Variants in TTL observed in about 807,000 individuals in gnomAD.
The protein encoded by TTL is tubulin tyrosine ligase.
TTL carries 10 observed loss-of-function variants against 41.1 expected under a neutral mutation model. That is an observed-to-expected ratio of 0.24 (90% CI 0.15 to 0.41). The LOEUF (loss-of-function observed/expected upper bound fraction) is 0.41, where lower values mean the gene tolerates loss of function less well. Ranked by LOEUF, TTL falls within the 10% of genes least tolerant of loss-of-function variation. The pLI, the probability that TTL is intolerant of heterozygous loss-of-function variation, is 1.00. For synonymous variants in TTL, 175 were observed against 175.5 expected (o/e 1.00, Z 0.02); for missense variants, 367 against 460.4 (o/e 0.80, Z 1.86).
intron 6 of TTL, chr2:112,522,447 C>T (rs1303527693): frequency 6.6e-6 from 1 of 152,578 alleles, no homozygotes; most frequent in Non-Finnish European, 1.5e-5. Flanking sequence ...GAGCTGCTCT[C>T]CTGTCATGGC....
intron 5 of TTL, among the ~76,000 whole-genome samples, chr2:112,511,689 T>C (rs2104465416): frequency 1.3e-5 from 2 of 151,840 alleles, no homozygotes; most frequent in Admixed American, 1.3e-4. Flanking sequence ...CTCAGCCTCC[T>C]GAGCAGCTGG....
At chr2:112,492,937 G>A (rs1410821018) in intron 2 of TTL, among the ~76,000 whole-genome samples, 1 of 152,216 alleles carries the variant, frequency 6.6e-6, no homozygotes, top group African/African-American at 2.4e-5. Context: ...TTTAAATTCA[G>A]TTCCTGAGTC....
chr2:112,519,444 A>G (rs554044617), intron 5 of TTL, among the ~76,000 whole-genome samples: 1 of 152,202 alleles, frequency 6.6e-6, no homozygotes, highest in South Asian at 2.1e-4. Context: ...TGCTAATAAT[A>G]CTTCTACATT....
chr2:112,492,705 G>A (rs768727556), intron 2 of TTL, among the ~76,000 whole-genome samples: 164 of 151,586 alleles, frequency 1.1e-3, no homozygotes, highest in Non-Finnish European at 8.8e-4. Flanking sequence ...ACTTCAGCCT[G>A]GGCGACAGAG....
Position 112,531,572 on chromosome 2 carries a change from G to A in TTL, c.*2777G>A, listed in dbSNP as rs901966506. 5 of 229,106 alleles carry A rather than the reference G, an allele frequency of 2.2e-5. No homozygotes were observed. The East Asian group carries it at 2.5e-4, about 11-fold the overall frequency. The allele number at this position is 229,106 out of a possible 1,614,324, so 14.2% of individuals were successfully genotyped here. A position where few individuals can be genotyped will look rare whatever the true frequency, so the allele number is the denominator to read the frequency against. On this transcript the variant is annotated 3_prime_UTR_variant, in exon 7 of 7. Coordinates refer to ENST00000233336, the MANE Select transcript of TTL (RefSeq NM_153712.5). ...GTGCCCACTCTTCCCCTGTACCCCC[G>A]GACAGTTAAATCAGAACCTCAGACA...
intron 2 of TTL, among the ~76,000 whole-genome samples, chr2:112,492,756 T>C (rs1681422767): frequency 6.6e-6 from 1 of 150,596 alleles, no homozygotes. Flanking sequence ...CTGGGTGTGG[T>C]CACGGGCGTC....
At chr2:112,524,309 C>A (rs1454990224) in intron 6 of TTL, among the ~76,000 whole-genome samples, 1 of 152,164 alleles carries the variant, frequency 6.6e-6, no homozygotes, top group East Asian at 1.9e-4. Flanking sequence ...GGTATATACC[C>A]AGTAATGGGA....
At chr2:112,519,922 G>A (rs1682174430) in intron 5 of TTL, among the ~76,000 whole-genome samples, 1 of 151,906 alleles carries the variant, frequency 6.6e-6, no homozygotes, top group Admixed American at 6.6e-5. Context: ...CCTGAGGTCG[G>A]GAGTTCGAGA....
chr2:112,496,632 AATTTT>A (rs911542041), intron 3 of TTL, among the ~76,000 whole-genome samples: 6 of 111,450 alleles, frequency 5.4e-5, no homozygotes, highest in African/African-American at 2.1e-4. Flanking sequence ...TTTCTTTTTT[AATTTT>A]AATTTTTTAT....
intron 4 of TTL, 74 bp downstream of exon 4, chr2:112,501,415 G>A: frequency 7.4e-7 from 1 of 1,350,722 alleles, no homozygotes. Flanking sequence ...TGGGAAGGGG[G>A]ACATGGAATA....
chr2:112,496,665 CTGTGTGTGTGTGTGTGTGTGTGTG>C (rs10635241), intron 3 of TTL, among the ~76,000 whole-genome samples: 1 of 106,052 alleles, frequency 9.4e-6, no homozygotes, highest in South Asian at 3.2e-4. Flanking sequence ...ATATATGTGT[CTGTGTGTGTGTGTGTGTGTGTGTG>C]TGTGTGTGTG....
Position 112,482,232 on chromosome 2 carries a change from C to T in TTL, c.-113C>T, listed in dbSNP as rs1437472863. The stretch of plus-strand genomic sequence containing the variant: ...CGAGAGGCGCGGTAGCCGGCGCGGG[C>T]GGCGGGGGCCGGGCCGCGGCGGGCG... On this transcript the variant is annotated 5_prime_UTR_variant, in exon 1 of 7. Coordinates refer to ENST00000233336, the MANE Select transcript of TTL (RefSeq NM_153712.5). This position sits in a 1 kb window ranked among gnomAD's most constrained non-coding sequence, Gnocchi z 5.3. The T allele has an allele frequency of 7.6e-6, 6 of 784,702 alleles. No homozygotes were observed. Among genetic ancestry groups the T allele is most frequent in the Admixed American group, 1.3e-4 (2 of 15,410 alleles). The allele number at this position is 784,702 out of a possible 1,614,324, so 48.6% of individuals were successfully genotyped here.
Position 112,501,271 on chromosome 2 carries a change from G to A in TTL, c.535G>A (p.Val179Met). 1.2e-6 allele frequency: 2 copies of A among 1,613,772 alleles called. No individual in the cohort carries two copies. The highest frequency in any genetic ancestry group is 4.5e-5 in the East Asian group (2 of 44,848). ...LLDFIDNQGQ[V>M]HVIQKYLEHP... ...CGATTTCATAGACAACCAGGGCCAA[G>A]TGCACGTGATCCAGAAATATCTTGA... is the stretch of plus-strand genomic sequence containing the variant. The change falls in exon 4 of 7, where the codon GTG becomes ATG. Residue 179 changes from valine (V) to methionine (M), a missense_variant. Physicochemically the swap from Val to Met is conservative, Grantham distance 21 (BLOSUM62 1). Coordinates refer to ENST00000233336, the MANE Select transcript of TTL (RefSeq NM_153712.5).
At chr2:112,502,286 A>G (rs1219314959) in intron 4 of TTL, among the ~76,000 whole-genome samples, 1 of 152,178 alleles carries the variant, frequency 6.6e-6, no homozygotes, top group African/African-American at 2.4e-5. Flanking sequence ...ACACTCTTTA[A>G]GATTACTCAA....
chr2:112,524,196 G>C (rs1682318006), intron 6 of TTL, among the ~76,000 whole-genome samples: 1 of 152,140 alleles, frequency 6.6e-6, no homozygotes, highest in Admixed American at 6.5e-5. Context: ...GTCTATCATT[G>C]ATGGACATTT....
rs1406466684 is a variant in TTL, at chr2:112,530,884, C to CTTAT, written c.*2092_*2095dup. 5.5e-6 allele frequency: 1 copy of CTTAT among 181,218 alleles called. No individual in the cohort carries two copies. The highest frequency in any genetic ancestry group is 1.2e-5 in the Non-Finnish European group (1 of 85,198). The allele number at this position is 181,218 out of a possible 1,614,324, so 11.2% of individuals were successfully genotyped here. ...TGGCTTCCAATAAGTATCTTAGGAA[C>CTTAT]TTATTTCCTTTTTAAAAAATATTTT... On this transcript the variant is annotated 3_prime_UTR_variant, in exon 7 of 7. Coordinates refer to ENST00000233336, the MANE Select transcript of TTL (RefSeq NM_153712.5).
intron 5 of TTL, among the ~76,000 whole-genome samples, chr2:112,512,215 C>T (rs1341836530): frequency 6.6e-6 from 1 of 151,922 alleles, no homozygotes; most frequent in Non-Finnish European, 1.5e-5. Flanking sequence ...CCTCAGCCTC[C>T]TGAGTAGCTG....
intron 3 of TTL, among the ~76,000 whole-genome samples, chr2:112,500,402 A>T (rs1681657495): frequency 1.3e-5 from 2 of 152,046 alleles, no homozygotes; most frequent in Non-Finnish European, 2.9e-5. Flanking sequence ...GAAACCCCAT[A>T]TGTACTAAAA....
Position 112,531,151 on chromosome 2 carries a change from A to AT in TTL, c.*2359dup. 1 of 211,966 alleles carries AT rather than the reference A, an allele frequency of 4.7e-6. No homozygotes were observed. The highest frequency in any genetic ancestry group is 9.6e-6 in the Non-Finnish European group (1 of 104,596). 13.1% of individuals were successfully genotyped at this position (211,966 alleles called of 1,614,324 possible). ...CACACCACCAAGCCTGGCTTTATGT[A>AT]TTTATTTCTGTTCATGCGGAATGAT... is the stretch of plus-strand genomic sequence containing the variant. On this transcript the variant is annotated 3_prime_UTR_variant, in exon 7 of 7. Transcript: ENST00000233336.
Sources: gnomAD v4.1 joint callset for allele counts (sites outside exome capture counted in the v4.1 genomes callset) on GRCh38, gnomAD v4.1.1 for gene constraint, Gnocchi (gnomAD v3.1) non-coding constraint, MANE v1.5 for transcripts, NCBI Gene and HGNC (gene_info 2026-07-23, HGNC 2026-07-21) for gene names.